MSX2: variants seen among roughly 807,000 people sequenced by gnomAD.
MSX2 encodes msh homeobox 2, also known as homeobox protein MSX-2.
In MSX2, 10 loss-of-function variants were observed where a neutral mutation model predicts 18.4. The observed-to-expected ratio is 0.54, with a 90% CI of 0.34 to 0.92. MSX2 has a LOEUF of 0.92. Among genes scored for constraint, MSX2 ranks in the 40% least tolerant of loss-of-function variants. The pLI is 0.02. For synonymous variants in MSX2, 170 were observed against 165.6 expected, an observed-to-expected ratio of 1.03 and a Z score of -0.20; for missense variants, 339 against 364.0, an observed-to-expected ratio of 0.93 and a Z score of 0.56.
At chr5:174,728,387 G>A (rs1157295541) in intron 1 of MSX2, among the ~76,000 whole-genome samples, 1 of 150,980 alleles carries the variant, frequency 6.6e-6, no homozygotes, top group African/African-American at 2.4e-5. Context: ...GTAAAATGAT[G>A]TTCAGATTTT....
In MSX2 at chr5:174,730,824, TGAA is replaced by T. The variant is rs543710932; in HGVS notation, c.*1244_*1246del. On this transcript the variant is annotated 3_prime_UTR_variant, in exon 2 of 2. Transcript: ENST00000239243. ...GCTTGTACAATTTGATATATTTTAT[TGAA>T]GAGTTATCTCTTATTCTGAATTAAA... 2.5e-3 allele frequency: 377 copies of T among 152,760 alleles called. 5 individuals are homozygous for T. The highest frequency in any genetic ancestry group is 1.9e-3 in the Non-Finnish European group (132 of 68,032). 9.5% of individuals were successfully genotyped at this position (152,760 alleles called of 1,614,324 possible).
In MSX2 at chr5:174,724,859, C is replaced by T. The variant is rs552575619; in HGVS notation, c.200C>T (p.Ala67Val). ...KPPKEASPLP[A>V]ESASAGATLR... ...CCCAAGGAGGCGTCCCCGCTGCCGG[C>T]CGAAAGCGCCTCGGCCGGGGCCACC... Residue 67 changes from alanine to valine, a missense_variant, in exon 1 of 2, where the codon GCC becomes GTC. Ala to Val is a moderately conservative substitution (Grantham distance 64). This residue lies in a region of MSX2 where 211 missense variants were observed against 185.4 expected (regional missense o/e 1.14). Transcript: ENST00000239243. 1.9e-6 allele frequency: 3 copies of T among 1,553,386 alleles called. No homozygotes were observed. In the East Asian group the frequency reaches 7.2e-5, roughly 37 times the overall value.
chr5:174,725,105 TC>T, intron 1 of MSX2, 67 bp downstream of exon 1: 2 of 1,579,702 alleles, frequency 1.3e-6, no homozygotes, highest in Admixed American at 1.9e-5. Flanking sequence ...GGGCGGGTGT[TC>T]CAGGGCTGAG....
At position 174,729,815 on chromosome 5, in the gene MSX2, A is replaced by G. The variant is rs991339965; in HGVS notation, c.*232A>G. On this transcript the variant is annotated 3_prime_UTR_variant, in exon 2 of 2. Transcript: ENST00000239243. ...CCAGATGCCCCCTTTTCCTTTCACA[A>G]AGATTGGCTCTGATGGTTTTTATGT... 4.8e-6 allele frequency: 2 copies of G among 414,516 alleles called. No homozygotes were observed. The highest frequency in any genetic ancestry group is 3.9e-5 in the African/African-American group (2 of 51,016). 25.7% of individuals were successfully genotyped at this position (414,516 alleles called of 1,614,324 possible). A position where few individuals can be genotyped will look rare whatever the true frequency, so the allele number is the denominator to read the frequency against.
At chr5:174,728,472 T>A (rs1325258460) in intron 1 of MSX2, among the ~76,000 whole-genome samples, 1 of 152,238 alleles carries the variant, frequency 6.6e-6, no homozygotes. Context: ...TCAAAGATGC[T>A]ATTAATTTAC....
At position 174,728,602 on chromosome 5, in the gene MSX2, C is replaced by G. The variant is rs144893348; in HGVS notation, c.380-557C>G. Among the ~76,000 whole-genome samples the G allele has an allele frequency of 1.3e-3, 195 of 152,268 alleles. 1 individual carries two copies. Among genetic ancestry groups the G allele is most frequent in the African/African-American group, 4.4e-3 (181 of 41,558 alleles). On this transcript the variant is annotated intron_variant, in intron 1 of 1. Coordinates refer to ENST00000239243, the MANE Select transcript of MSX2 (RefSeq NM_002449.5). The stretch of plus-strand genomic sequence containing the variant: ...GGTTGCTAAAACCTTTTTCATTTTC[C>G]TTCCCATATGTGATTGTCTCCATGT...
At chr5:174,728,384 G>T (rs1760848762) in intron 1 of MSX2, among the ~76,000 whole-genome samples, 1 of 151,800 alleles carries the variant, frequency 6.6e-6, no homozygotes, top group Non-Finnish European at 1.5e-5. Flanking sequence ...TCTGTAAAAT[G>T]ATGTTCAGAT....
chr5:174,724,690 T>C lies in MSX2; in HGVS notation c.31T>C (p.Phe11Leu), dbSNP rs1760735533. The C allele has an allele frequency of 6.3e-7, 1 of 1,595,396 alleles. No individual in the cohort carries two copies. The highest frequency in any genetic ancestry group is 8.5e-7 in the Non-Finnish European group (1 of 1,172,148). MASPSKGNDL[F>L]SPDEEGPAVV... ...TTCTCCGTCCAAAGGCAATGACTTG[T>C]TTTCGCCCGACGAGGAGGGCCCAGC... The change falls in exon 1 of 2, where the codon TTT becomes CTT. Residue 11 changes from phenylalanine (F) to leucine (L), a missense_variant. Transcript: ENST00000239243.
At position 174,729,764 on chromosome 5, in the gene MSX2, A is replaced by G. The variant is rs1420803652; in HGVS notation, c.*181A>G. 6.7e-6 allele frequency: 4 copies of G among 596,428 alleles called. No individual in the cohort carries two copies. The highest frequency in any genetic ancestry group is 1.2e-5 in the Non-Finnish European group (4 of 337,668). 36.9% of individuals were successfully genotyped at this position (596,428 alleles called of 1,614,324 possible). ...AATTTGTTCTGTAGGCGGAGGCACCAAGCCCTGTTTTCTTGGTGTAATCTT... is the reference window on the plus strand; with the variant it reads ...AATTTGTTCTGTAGGCGGAGGCACCGAGCCCTGTTTTCTTGGTGTAATCTT... On this transcript the variant is annotated 3_prime_UTR_variant, in exon 2 of 2. Coordinates refer to ENST00000239243, the MANE Select transcript of MSX2 (RefSeq NM_002449.5).
chr5:174,729,072 A>C, intron 1 of MSX2, 87 bp from the exon 2 acceptor site: 1 of 1,382,008 alleles, frequency 7.2e-7, no homozygotes, highest in Non-Finnish European at 1.0e-6. Flanking sequence ...GAAAAAACCT[A>C]GAGAGATGAC....
In MSX2 at chr5:174,729,517, G is replaced by C. The variant is rs2113499173; in HGVS notation, c.738G>C (p.Val246=). Residue 246 remains valine (V), a synonymous_variant, in exon 2 of 2, where the codon GTG becomes GTC. Transcript: ENST00000239243. ...CATCCTACCCGTTCCATAGACCTGT[G>C]CTTCCCATCCCGCCTGTGGGACTCT... ...YGASYPFHRP[V]LPIPPVGLYA... The C allele has an allele frequency of 6.2e-7, 1 of 1,613,848 alleles. No homozygotes were observed. The highest frequency in any genetic ancestry group is 2.2e-5 in the East Asian group (1 of 44,892).
In MSX2 at chr5:174,729,798, C is replaced by T. The variant is rs1167869880; in HGVS notation, c.*215C>T. The stretch of plus-strand genomic sequence containing the variant: ...TTTCTTGGTGTAATCTTCCAGATGC[C>T]CCCTTTTCCTTTCACAAAGATTGGC... On this transcript the variant is annotated 3_prime_UTR_variant, in exon 2 of 2. Coordinates refer to ENST00000239243, the MANE Select transcript of MSX2 (RefSeq NM_002449.5). 1 of 462,256 alleles carries T rather than the reference C, an allele frequency of 2.2e-6. No individual in the cohort carries two copies. Among genetic ancestry groups the T allele is most frequent in the Non-Finnish European group, 3.8e-6 (1 of 260,094 alleles). The allele number at this position is 462,256 out of a possible 1,614,324, so 28.6% of individuals were successfully genotyped here. A position where few individuals can be genotyped will look rare whatever the true frequency, so the allele number is the denominator to read the frequency against.
chr5:174,726,396 T>G (rs746671516), intron 1 of MSX2, among the ~76,000 whole-genome samples: 10 of 152,258 alleles, frequency 6.6e-5, no homozygotes, highest in Non-Finnish European at 1.5e-4. Context: ...CTCCACCCTG[T>G]TAGAAACTCT....
At chr5:174,726,754 A>G (rs1171205004) in intron 1 of MSX2, among the ~76,000 whole-genome samples, 5 of 152,194 alleles carry the variant, frequency 3.3e-5, no homozygotes, top group Non-Finnish European at 7.4e-5. Context: ...GAAAATTAAA[A>G]GACTTAATTT....
chr5:174,728,772 A>T (rs957311601), intron 1 of MSX2, among the ~76,000 whole-genome samples: 4 of 152,076 alleles, frequency 2.6e-5, no homozygotes, highest in African/African-American at 7.2e-5. Context: ...GTTATCTCTA[A>T]TGCTGTTTGT....
At chr5:174,728,631 A>G (rs1004744019) in intron 1 of MSX2, among the ~76,000 whole-genome samples, 2 of 152,232 alleles carry the variant, frequency 1.3e-5, no homozygotes, top group East Asian at 1.9e-4. Flanking sequence ...TCCATGTCCA[A>G]GGGAGGCTGG....
chr5:174,729,125 CT>C, intron 1 of MSX2, 33 bp from the exon 2 acceptor site: 1 of 1,605,044 alleles, frequency 6.2e-7, no homozygotes, highest in East Asian at 2.2e-5. Flanking sequence ...ATGTAACTTT[CT>C]TTTGCTAATC....
chr5:174,725,109 G>A, intron 1 of MSX2, 71 bp downstream of exon 1: 1 of 1,574,622 alleles, frequency 6.4e-7, no homozygotes, highest in Non-Finnish European at 8.6e-7. Flanking sequence ...GGGTGTTCCA[G>A]GGCTGAGGGT....
rs1382294618 is a variant in MSX2 at position 174,725,046 on chromosome 5, C to T, written c.379+8C>T. The T allele has an allele frequency of 6.2e-7, 1 of 1,609,336 alleles. No individual in the cohort carries two copies. The highest frequency in any genetic ancestry group is 8.5e-7 in the Non-Finnish European group (1 of 1,179,000). On this transcript the variant is annotated splice_region_variant and intron_variant, in intron 1 of 1. Coordinates refer to ENST00000239243, the MANE Select transcript of MSX2 (RefSeq NM_002449.5). ...GATATTCGCCGCCGCCAAGTGAGTG[C>T]GCGCCGGGGCAGGAGTAGGAGGTAG... is the stretch of plus-strand genomic sequence containing the variant.
Sources: allele counts gnomAD v4.1 joint callset (sites outside exome capture counted in the v4.1 genomes callset), GRCh38; gene constraint gnomAD v4.1.1; regional missense constraint gnomAD v4.1.1; transcripts MANE v1.5; gene names NCBI Gene and HGNC (gene_info 2026-07-23, HGNC 2026-07-21).